The following TRIM24 variants were observed in gnomAD, a reference collection of about 807,000 sequenced individuals.
The protein encoded by TRIM24 is tripartite motif containing 24.
A neutral mutation model predicts 123.9 loss-of-function variants in TRIM24; 29 were observed. The ratio of observed to expected loss-of-function variants is 0.23; its 90% CI spans 0.17 to 0.32. The LOEUF (loss-of-function observed/expected upper bound fraction) is 0.32. Among genes scored for constraint, TRIM24 ranks in the 10% least tolerant of loss-of-function variants. TRIM24 has a pLI of 1.00. For missense variants in TRIM24, 932 were observed against 1,295.3 expected, an observed-to-expected ratio of 0.72 and a Z score of 4.31; for synonymous variants, 456 against 461.1, an observed-to-expected ratio of 0.99 and a Z score of 0.14.
intron 1 of TRIM24, among the ~76,000 whole-genome samples, chr7:138,478,101 TTTTA>T (rs1249519378): frequency 9.9e-5 from 15 of 152,204 alleles, no homozygotes; most frequent in Admixed American, 9.8e-4. Flanking sequence ...TATAAACATG[TTTTA>T]TTTATCAGAT....
intron 7 of TRIM24, among the ~76,000 whole-genome samples, chr7:138,540,859 G>C (rs1796989047): frequency 6.6e-6 from 1 of 152,042 alleles, no homozygotes; most frequent in Non-Finnish European, 1.5e-5. Context: ...TTGTTTTTGA[G>C]ATGGAGTCTC....
At chr7:138,572,194 TGAGTA>T (rs1212077052) in intron 11 of TRIM24, among the ~76,000 whole-genome samples, 1 of 152,238 alleles carries the variant, frequency 6.6e-6, no homozygotes, top group African/African-American at 2.4e-5. Flanking sequence ...ATACTTTAAA[TGAGTA>T]GAATACATAT....
intron 1 of TRIM24, among the ~76,000 whole-genome samples, chr7:138,492,023 T>C (rs1795797404): frequency 6.6e-6 from 1 of 151,574 alleles, no homozygotes. Flanking sequence ...CCCAGCTATT[T>C]GGGAGTCTGT....
At chr7:138,509,311 A>G (rs1796234560) in intron 2 of TRIM24, among the ~76,000 whole-genome samples, 1 of 148,588 alleles carries the variant, frequency 6.7e-6, no homozygotes, top group Admixed American at 6.8e-5. Context: ...AAGTTTATAT[A>G]TATGTATAAT....
intron 9 of TRIM24, among the ~76,000 whole-genome samples, chr7:138,564,692 A>G (rs879426392): frequency 2.0e-5 from 3 of 152,108 alleles, no homozygotes; most frequent in Non-Finnish European, 4.4e-5. Flanking sequence ...CCCAATCACC[A>G]CCTTAAATAC....
chr7:138,583,913 CAAG>C lies in TRIM24; in HGVS notation c.2862_2864del (p.Glu954del), dbSNP rs767528840. The C allele has an allele frequency of 3.1e-6, 5 of 1,602,748 alleles. No individual in the cohort carries two copies. Among genetic ancestry groups the C allele is most frequent in the African/African-American group, 1.3e-5 (1 of 74,132 alleles). On this transcript the variant is annotated inframe_deletion, in exon 18 of 19. Coordinates refer to ENST00000343526, the MANE Select transcript of TRIM24 (RefSeq NM_015905.3). ...TTTGTCAACCATCAAGAAAAGACTA[CAAG>C]AAGATTATTCCATGTACTCAAAACC...
chr7:138,560,877 C>T (rs1797412891), intron 9 of TRIM24, among the ~76,000 whole-genome samples: 1 of 152,156 alleles, frequency 6.6e-6, no homozygotes, highest in Non-Finnish European at 1.5e-5. Context: ...GTCATTCCTG[C>T]CTGTTTTGCC....
At chr7:138,556,345 A>G (rs186538397) in intron 9 of TRIM24, 54 of 152,318 alleles carry the variant, frequency 3.5e-4, no homozygotes, top group Admixed American at 2.4e-3. Context: ...TTGAAAGTTA[A>G]TGAGAGGTAA....
chr7:138,525,420 C>A, intron 5 of TRIM24, 63 bp downstream of exon 5: 2 of 954,412 alleles, frequency 2.1e-6, no homozygotes, highest in Non-Finnish European at 2.9e-6. Context: ...ACTTTTAGAA[C>A]ATTTTCCTTA....
chr7:138,508,708 C>CGTGTGCGTGTGTGCGT (rs1554436685), intron 2 of TRIM24, among the ~76,000 whole-genome samples: 5 of 136,190 alleles, frequency 3.7e-5, no homozygotes, highest in African/African-American at 5.4e-5. Context: ...CGCGTGTGTG[C>CGTGTGCGTGTGTGCGT]GTGTGTGTGT....
intron 1 of TRIM24, among the ~76,000 whole-genome samples, chr7:138,467,185 T>C (rs1023136561): frequency 6.6e-6 from 1 of 152,246 alleles, no homozygotes; most frequent in African/African-American, 2.4e-5. Flanking sequence ...AGTTTGTTCT[T>C]TTTCAAAATT....
intron 16 of TRIM24, 67 bp downstream of exon 16, chr7:138,580,761 A>G (rs1797876854): frequency 6.8e-7 from 1 of 1,478,138 alleles, no homozygotes; most frequent in Non-Finnish European, 9.1e-7. Flanking sequence ...CTTTTGTCAA[A>G]GAGGTGTATA....
intron 1 of TRIM24, among the ~76,000 whole-genome samples, chr7:138,470,412 C>T (rs139276021): frequency 0.035 from 5,322 of 152,194 alleles, 131 homozygotes; most frequent in Admixed American, 0.055. Context: ...CGAGCCATCG[C>T]GCCCAGTCTT....
At chr7:138,548,417 CAA>C (rs112568313) in intron 7 of TRIM24, among the ~76,000 whole-genome samples, 4 of 127,346 alleles carry the variant, frequency 3.1e-5, no homozygotes, top group Non-Finnish European at 3.4e-5. Context: ...GAGTGAGAGT[CAA>C]AAAAAAAAAA....
At chr7:138,542,149 C>G (rs925497472) in intron 7 of TRIM24, among the ~76,000 whole-genome samples, 1 of 152,140 alleles carries the variant, frequency 6.6e-6, no homozygotes, top group South Asian at 2.1e-4. Flanking sequence ...GTAACACTTT[C>G]GATTTCCTTC....
intron 7 of TRIM24, among the ~76,000 whole-genome samples, chr7:138,543,694 G>C (rs1414339897): frequency 6.6e-6 from 1 of 152,156 alleles, no homozygotes; most frequent in Non-Finnish European, 1.5e-5. Flanking sequence ...TATTGTTTCA[G>C]TCAAACAGAT....
chr7:138,568,322 C>T (rs1012932728), intron 10 of TRIM24, among the ~76,000 whole-genome samples: 3 of 145,798 alleles, frequency 2.1e-5, no homozygotes, highest in Admixed American at 7.0e-5. Context: ...TGGGTTTCAC[C>T]GTGTTAGCCA....
At position 138,586,916 on chromosome 7, in the gene TRIM24, T is replaced by A. The variant is rs1454149548; in HGVS notation, c.*1965T>A. On this transcript the variant is annotated 3_prime_UTR_variant, in exon 19 of 19. Transcript: ENST00000343526. The stretch of plus-strand genomic sequence containing the variant: ...AAAACTATAATTTCCTAAATGTGAC[T>A]AATGAACCCCAAACTGTCACTATTA... 1 of 152,238 alleles carries A rather than the reference T, an allele frequency of 6.6e-6. No homozygotes were observed. Among genetic ancestry groups the A allele is most frequent in the African/African-American group, 2.4e-5 (1 of 41,466 alleles). The allele number at this position is 152,238 out of a possible 1,614,324, so 9.4% of individuals were successfully genotyped here.
chr7:138,461,999 C>G lies in TRIM24; in HGVS notation c.364+1087C>G, dbSNP rs552102690. On this transcript the variant is annotated intron_variant, in intron 1 of 18. Coordinates refer to ENST00000343526, the MANE Select transcript of TRIM24 (RefSeq NM_015905.3). ...TTGTAGGAGACAGTTTTCCGTGGGT[C>G]TCCGTTTCTTCACTCTTGCCAGCAC... Among the ~76,000 whole-genome samples, 25 of 152,284 alleles carry G rather than the reference C, an allele frequency of 1.6e-4. No individual in the cohort carries two copies. In the South Asian group the frequency reaches 3.7e-3, roughly 23 times the overall value.
Sources: allele counts gnomAD v4.1 joint callset (sites outside exome capture counted in the v4.1 genomes callset), GRCh38; gene constraint gnomAD v4.1.1; transcripts MANE v1.5; gene names NCBI Gene and HGNC (gene_info 2026-07-23, HGNC 2026-07-21).